CFAP299: variants seen among roughly 807,000 people sequenced by gnomAD.
CFAP299 encodes the protein cilia- and flagella-associated protein 299.
Under a neutral mutation model 27.0 loss-of-function variants are expected in CFAP299, and 21 were observed. The ratio of observed to expected loss-of-function variants is 0.78; its 90% confidence interval spans 0.55 to 1.12. The LOEUF is 1.12. Ranked by LOEUF, CFAP299 falls within the 50% of genes most tolerant of loss-of-function variation. CFAP299 has a pLI of 0.00. For missense variants in CFAP299, 310 were observed against 276.6 expected, an observed-to-expected ratio of 1.12 and a Z score of -0.86; for synonymous variants, 104 against 98.1, an observed-to-expected ratio of 1.06 and a Z score of -0.36.
intron 3 of CFAP299, among the ~76,000 whole-genome samples, chr4:80,595,738 A>G (rs1327452228): frequency 6.6e-6 from 1 of 152,238 alleles, no homozygotes; most frequent in Non-Finnish European, 1.5e-5. Context: ...AATGCTGCAT[A>G]CCACTTTGAC....
chr4:80,693,741 A>G (rs1720908116), intron 3 of CFAP299, among the ~76,000 whole-genome samples: 1 of 151,864 alleles, frequency 6.6e-6, no homozygotes, highest in East Asian at 1.9e-4. Context: ...AGCAGTACTG[A>G]GTGATCTAAG....
intron 3 of CFAP299, among the ~76,000 whole-genome samples, chr4:80,644,198 A>G (rs1259441467): frequency 6.6e-6 from 1 of 152,200 alleles, no homozygotes; most frequent in Admixed American, 6.6e-5. Flanking sequence ...TTAAAAACAA[A>G]CAAAACATGT....
chr4:80,673,934 T>A (rs1034395313), intron 3 of CFAP299, among the ~76,000 whole-genome samples: 1 of 151,348 alleles, frequency 6.6e-6, no homozygotes, highest in African/African-American at 2.4e-5. Context: ...ATGGGATGGG[T>A]CTCCTGAATA....
chr4:80,799,868 ATATAT>A (rs1212982329), intron 3 of CFAP299, among the ~76,000 whole-genome samples: 1 of 33,566 alleles, frequency 3.0e-5, no homozygotes, highest in Non-Finnish European at 4.7e-5. Flanking sequence ...TATATATTAT[ATATAT>A]TATATTATAT....
At chr4:80,389,455 A>G (rs1725210354) in intron 2 of CFAP299, among the ~76,000 whole-genome samples, 1 of 152,200 alleles carries the variant, frequency 6.6e-6, no homozygotes, top group East Asian at 1.9e-4. Flanking sequence ...GGCAATTTGC[A>G]GCTGTGGAAC....
At chr4:80,803,808 T>C (rs962188853) in intron 3 of CFAP299, among the ~76,000 whole-genome samples, 4 of 151,668 alleles carry the variant, frequency 2.6e-5, no homozygotes, top group African/African-American at 4.8e-5. Context: ...AAGGTACACA[T>C]AACATACAAT....
chr4:80,950,703 G>A (rs1450110236), intron 5 of CFAP299, among the ~76,000 whole-genome samples: 4 of 152,102 alleles, frequency 2.6e-5, no homozygotes, highest in Admixed American at 2.0e-4. Flanking sequence ...TCAGATATCA[G>A]AATCACCCAG....
rs1734779505 is a variant in CFAP299 at position 80,899,509 on chromosome 4, C to T, written c.476+29374C>T. Among the ~76,000 whole-genome samples the T allele has an allele frequency of 1.3e-5, 2 of 152,030 alleles. 1 individual carries two copies. Among genetic ancestry groups the T allele is most frequent in the Non-Finnish European group, 2.9e-5 (2 of 68,008 alleles). ...CGTAGAGCACAATCTTATCATGGGA[C>T]TCAAGAGAAAAAAAGTCTTTCAATA... is the stretch of plus-strand genomic sequence containing the variant. On this transcript the variant is annotated intron_variant, in intron 4 of 5. Coordinates refer to ENST00000358105, the MANE Select transcript of CFAP299 (RefSeq NM_152770.3).
intron 3 of CFAP299, among the ~76,000 whole-genome samples, chr4:80,703,467 A>G (rs1285421981): frequency 2.0e-5 from 3 of 151,720 alleles, no homozygotes; most frequent in Non-Finnish European, 4.4e-5. Context: ...AGAAGTGTAC[A>G]GTAACAAGAG....
chr4:80,325,521 G>T, the CFAP299 span, among the ~76,000 whole-genome samples: 3 of 152,136 alleles, frequency 2.0e-5, no homozygotes, highest in African/African-American at 2.4e-5. Flanking sequence ...ACTGCTGGTG[G>T]TACATAAGTT....
chr4:80,683,642 C>G (rs1323413594), intron 3 of CFAP299, among the ~76,000 whole-genome samples: 1 of 152,136 alleles, frequency 6.6e-6, no homozygotes, highest in Non-Finnish European at 1.5e-5. Context: ...CAAAGTAAGT[C>G]TCTTGTAACC....
At chr4:80,922,515 A>G (rs1396921806) in intron 4 of CFAP299, among the ~76,000 whole-genome samples, 2 of 152,070 alleles carry the variant, frequency 1.3e-5, no homozygotes, top group Non-Finnish European at 2.9e-5. Flanking sequence ...CTGTTTTTCA[A>G]AATAATTTCT....
chr4:80,396,324 GT>G (rs1441950046), intron 2 of CFAP299, among the ~76,000 whole-genome samples: 2 of 151,968 alleles, frequency 1.3e-5, no homozygotes, highest in East Asian at 1.9e-4. Context: ...ATTTCTTCCA[GT>G]TTTTTTATGA....
At chr4:80,406,694 A>G (rs1017618782) in intron 2 of CFAP299, among the ~76,000 whole-genome samples, 1 of 152,160 alleles carries the variant, frequency 6.6e-6, no homozygotes, top group African/African-American at 2.4e-5. Context: ...AATGTTATAT[A>G]TCATTTACAT....
At chr4:80,693,107 A>C (rs1208250750) in intron 3 of CFAP299, among the ~76,000 whole-genome samples, 1 of 152,246 alleles carries the variant, frequency 6.6e-6, no homozygotes, top group African/African-American at 2.4e-5. Flanking sequence ...GGGACTGTAA[A>C]CTAGTTCAAC....
chr4:80,872,793 T>C (rs1427895258), intron 4 of CFAP299: 1 of 627,226 alleles, frequency 1.6e-6, no homozygotes, highest in Non-Finnish European at 2.0e-6. Context: ...TTTTTCCCTG[T>C]TATTTCAAGT....
At chr4:80,337,336 G>A (rs1228646975) in intron 1 of CFAP299, among the ~76,000 whole-genome samples, 1 of 151,912 alleles carries the variant, frequency 6.6e-6, no homozygotes, top group African/African-American at 2.4e-5. Context: ...TGTGAGTATG[G>A]ACCTAAAACA....
intron 1 of CFAP299, among the ~76,000 whole-genome samples, chr4:80,340,023 A>C (rs925869717): frequency 2.0e-5 from 3 of 152,196 alleles, no homozygotes; most frequent in Non-Finnish European, 4.4e-5. Context: ...TATAAAATAG[A>C]AATGGGGAGG....
chr4:80,615,269 C>A (rs941919020), intron 3 of CFAP299, among the ~76,000 whole-genome samples: 2 of 152,036 alleles, frequency 1.3e-5, no homozygotes, highest in African/African-American at 4.8e-5. Context: ...ATTTAGAAAT[C>A]GCCGGCTATC....
Sources: allele counts gnomAD v4.1 joint callset (sites outside exome capture counted in the v4.1 genomes callset), GRCh38; gene constraint gnomAD v4.1.1; transcripts MANE v1.5; gene names NCBI Gene and HGNC (gene_info 2026-07-23, HGNC 2026-07-21).